Variants in ZNF804A observed in about 807,000 individuals in gnomAD.
ZNF804A encodes the protein zinc finger protein 804A.
In ZNF804A, 2 loss-of-function variants were observed where a neutral mutation model predicts 16.5. The observed-to-expected ratio is 0.12, with a 90% CI of 0.05 to 0.38. ZNF804A has a LOEUF of 0.38. Among genes scored for constraint, ZNF804A ranks in the 10% least tolerant of loss-of-function variants. The probability of loss-of-function intolerance (pLI) is 0.99; values close to 1 mark genes in which losing one functional copy is unlikely to be tolerated. For synonymous variants in ZNF804A, 534 were observed against 489.6 expected, an observed-to-expected ratio of 1.09 and a Z score of -1.20; for missense variants, 1,473 against 1,390.7, an observed-to-expected ratio of 1.06 and a Z score of -0.94.
intron 1 of ZNF804A, among the ~76,000 whole-genome samples, chr2:184,784,234 A>T (rs757718652): frequency 6.6e-6 from 1 of 151,906 alleles, no homozygotes; most frequent in African/African-American, 2.4e-5. Flanking sequence ...GCTCTAAGAT[A>T]ACTATTCCAG....
At chr2:184,640,095 A>C (rs750114975) in intron 1 of ZNF804A, among the ~76,000 whole-genome samples, 2 of 152,064 alleles carry the variant, frequency 1.3e-5, no homozygotes, top group Non-Finnish European at 2.9e-5. Context: ...TGATAATTCT[A>C]TACTTTGGAA....
At chr2:184,650,304 A>G (rs1691959798) in intron 1 of ZNF804A, among the ~76,000 whole-genome samples, 3 of 152,116 alleles carry the variant, frequency 2.0e-5, no homozygotes, top group Admixed American at 1.3e-4. Flanking sequence ...TTAAAGTAAC[A>G]TACCTCAAAA....
At chr2:184,655,232 C>T (rs1692057040) in intron 1 of ZNF804A, among the ~76,000 whole-genome samples, 1 of 152,212 alleles carries the variant, frequency 6.6e-6, no homozygotes, top group Non-Finnish European at 1.5e-5. Flanking sequence ...TCCCCTTTCA[C>T]AAATTCCAGT....
chr2:184,693,764 T>A (rs1054646317), intron 1 of ZNF804A, among the ~76,000 whole-genome samples: 1 of 152,166 alleles, frequency 6.6e-6, no homozygotes, highest in Non-Finnish European at 1.5e-5. Flanking sequence ...TTTTTGTACC[T>A]TTTTATCTTC....
intron 1 of ZNF804A, among the ~76,000 whole-genome samples, chr2:184,846,271 C>G (rs1048924820): frequency 6.6e-6 from 1 of 152,112 alleles, no homozygotes; most frequent in African/African-American, 2.4e-5. Context: ...AGACAACTTA[C>G]TATGTAAACC....
chr2:184,926,003 T>A (rs1685603696), intron 2 of ZNF804A, among the ~76,000 whole-genome samples: 1 of 152,088 alleles, frequency 6.6e-6, no homozygotes. Flanking sequence ...GATTGTTTCA[T>A]CATTTAACCT....
intron 1 of ZNF804A, among the ~76,000 whole-genome samples, chr2:184,763,684 C>T (rs1202023235): frequency 4.0e-5 from 5 of 124,838 alleles, no homozygotes; most frequent in Non-Finnish European, 4.7e-5. Flanking sequence ...GCTCCGTCGC[C>T]CAGGCTGGAG....
At chr2:184,690,610 G>C (rs1692711769) in intron 1 of ZNF804A, among the ~76,000 whole-genome samples, 1 of 152,006 alleles carries the variant, frequency 6.6e-6, no homozygotes, top group South Asian at 2.1e-4. Context: ...GAGGGGAACA[G>C]TTTTTAGCAT....
At chr2:184,599,368 G>T (rs913285520) in intron 1 of ZNF804A, among the ~76,000 whole-genome samples, 1 of 152,090 alleles carries the variant, frequency 6.6e-6, no homozygotes, top group African/African-American at 2.4e-5. Context: ...TGTTTAAAGA[G>T]AAAAGAAAAG....
At chr2:184,611,750 G>T (rs1457591844) in intron 1 of ZNF804A, among the ~76,000 whole-genome samples, 4 of 152,058 alleles carry the variant, frequency 2.6e-5, no homozygotes, top group African/African-American at 9.7e-5. Context: ...ATATACTTAG[G>T]ACAATTTTAT....
intron 2 of ZNF804A, among the ~76,000 whole-genome samples, chr2:184,933,143 GCA>G (rs35560626): frequency 0.53 from 78,683 of 148,186 alleles, 20,766 homozygotes; most frequent in African/African-American, 0.61. Context: ...ACACACACAC[GCA>G]CACACACACA....
At chr2:184,917,808 C>G (rs1393820435) in intron 2 of ZNF804A, among the ~76,000 whole-genome samples, 1 of 151,894 alleles carries the variant, frequency 6.6e-6, no homozygotes, top group African/African-American at 2.4e-5. Flanking sequence ...CACACACACA[C>G]ACACACACAC....
At chr2:184,662,722 A>G (rs1465867967) in intron 1 of ZNF804A, among the ~76,000 whole-genome samples, 1 of 152,182 alleles carries the variant, frequency 6.6e-6, no homozygotes, top group Non-Finnish European at 1.5e-5. Context: ...TTATTCTAAA[A>G]TTGTATCATA....
chr2:184,755,737 T>C (rs1436507515), intron 1 of ZNF804A, among the ~76,000 whole-genome samples: 1 of 152,010 alleles, frequency 6.6e-6, no homozygotes, highest in Non-Finnish European at 1.5e-5. Flanking sequence ...TAGTCAATTC[T>C]TGATACATTT....
chr2:184,868,117 G>A (rs183501014), intron 2 of ZNF804A, among the ~76,000 whole-genome samples: 4 of 152,060 alleles, frequency 2.6e-5, no homozygotes, highest in East Asian at 3.9e-4. Flanking sequence ...TGCAATTTTG[G>A]TATTCTAGAG....
At chr2:184,704,405 G>A (rs2105733082) in intron 1 of ZNF804A, among the ~76,000 whole-genome samples, 1 of 152,238 alleles carries the variant, frequency 6.6e-6, no homozygotes, top group African/African-American at 2.4e-5. Flanking sequence ...ACCCGCCTCA[G>A]CCTCCCAAAG....
chr2:184,887,086 A>G (rs192762657), intron 2 of ZNF804A, among the ~76,000 whole-genome samples: 108 of 152,350 alleles, frequency 7.1e-4, no homozygotes, highest in Middle Eastern at 6.8e-3. Context: ...CTTTAACAGC[A>G]TCCAAATCAC....
At chr2:184,661,668 G>A (rs1464367878) in intron 1 of ZNF804A, among the ~76,000 whole-genome samples, 1 of 152,114 alleles carries the variant, frequency 6.6e-6, no homozygotes, top group African/African-American at 2.4e-5. Context: ...GATGGGGATG[G>A]AAGTTCTCAC....
At chr2:184,674,245 C>A (rs986618984) in intron 1 of ZNF804A, among the ~76,000 whole-genome samples, 5 of 151,870 alleles carry the variant, frequency 3.3e-5, no homozygotes, top group African/African-American at 1.2e-4. Flanking sequence ...ATATTTATGT[C>A]ATTATCCCTC....
Sources: gnomAD v4.1 joint callset for allele counts (sites outside exome capture counted in the v4.1 genomes callset) on GRCh38, gnomAD v4.1.1 for gene constraint, MANE v1.5 for transcripts, NCBI Gene and HGNC (gene_info 2026-07-23, HGNC 2026-07-21) for gene names.